The following CNTNAP2 variants were observed in gnomAD, a reference collection of about 807,000 sequenced individuals.
CNTNAP2 encodes the protein contactin associated protein 2.
In CNTNAP2, 98 loss-of-function variants were observed where a neutral mutation model predicts 155.2. That is an observed-to-expected ratio of 0.63 (90% CI 0.54 to 0.75). The LOEUF (loss-of-function observed/expected upper bound fraction) is 0.75. Ranked by LOEUF, CNTNAP2 falls within the 30% of genes least tolerant of loss-of-function variation. The probability of loss-of-function intolerance (pLI) is 0.00; values close to 1 mark genes in which losing one functional copy is unlikely to be tolerated. For missense variants in CNTNAP2, 1,727 were observed against 1,688.1 expected, an observed-to-expected ratio of 1.02 and a Z score of -0.40; for synonymous variants, 651 against 631.2, an observed-to-expected ratio of 1.03 and a Z score of -0.47.
At chr7:147,492,714 T>G (rs1425816780) in intron 11 of CNTNAP2, among the ~76,000 whole-genome samples, 1 of 152,178 alleles carries the variant, frequency 6.6e-6, no homozygotes, top group Non-Finnish European at 1.5e-5. Flanking sequence ...ATTCTCTGTT[T>G]CCTCAAACAC....
intron 1 of CNTNAP2, among the ~76,000 whole-genome samples, chr7:146,759,299 G>A (rs1353627416): frequency 6.6e-6 from 1 of 152,122 alleles, no homozygotes; most frequent in Non-Finnish European, 1.5e-5. Flanking sequence ...GAGAGGAAGT[G>A]TCAGCAGTGA....
intron 4 of CNTNAP2, among the ~76,000 whole-genome samples, chr7:147,051,811 A>T (rs1799479633): frequency 6.6e-6 from 1 of 152,132 alleles, no homozygotes; most frequent in African/African-American, 2.4e-5. Context: ...CATTTTGCTA[A>T]TTTTAAATCT....
chr7:147,681,523 T>C (rs1047685254), intron 13 of CNTNAP2, among the ~76,000 whole-genome samples: 11 of 151,938 alleles, frequency 7.2e-5, no homozygotes, highest in African/African-American at 2.2e-4. Context: ...TAGAACTCTC[T>C]AAAGCAATGA....
intron 1 of CNTNAP2, among the ~76,000 whole-genome samples, chr7:146,289,033 A>T (rs1412359334): frequency 6.7e-6 from 1 of 148,490 alleles, no homozygotes; most frequent in African/African-American, 2.6e-5. Flanking sequence ...GGAACTCCTG[A>T]CCTCAAGTGG....
At chr7:146,166,825 C>T (rs115129231) in intron 1 of CNTNAP2, among the ~76,000 whole-genome samples, 2,249 of 152,146 alleles carry the variant, frequency 0.015, 63 homozygotes, top group African/African-American at 0.051. Context: ...TAGAAGATAG[C>T]GGGAAATAAT....
At chr7:147,262,629 C>T (rs565947740) in intron 8 of CNTNAP2, among the ~76,000 whole-genome samples, 4 of 152,236 alleles carry the variant, frequency 2.6e-5, no homozygotes, top group African/African-American at 9.6e-5. Flanking sequence ...ACGGTGAAAC[C>T]CCGTCTCCAC....
intron 22 of CNTNAP2, among the ~76,000 whole-genome samples, chr7:148,405,944 G>C (rs1799694158): frequency 6.6e-6 from 1 of 151,972 alleles, no homozygotes; most frequent in Non-Finnish European, 1.5e-5. Flanking sequence ...ATTATTTAAA[G>C]AAGGTCGGCC....
At chr7:146,535,231 T>TA in intron 1 of CNTNAP2, among the ~76,000 whole-genome samples, 1 of 37,046 alleles carries the variant, frequency 2.7e-5, no homozygotes, top group Non-Finnish European at 4.0e-5. Flanking sequence ...ATCATATATA[T>TA]TATATCATAT....
intron 1 of CNTNAP2, among the ~76,000 whole-genome samples, chr7:146,465,688 A>G (rs1002776678): frequency 2.0e-5 from 3 of 152,174 alleles, no homozygotes; most frequent in East Asian, 1.9e-4. Flanking sequence ...GAGACTTTGC[A>G]TGCTGTCTTC....
intron 3 of CNTNAP2, among the ~76,000 whole-genome samples, chr7:147,029,929 C>T (rs1423513690): frequency 6.6e-6 from 1 of 152,124 alleles, no homozygotes; most frequent in African/African-American, 2.4e-5. Flanking sequence ...GCTCTTGGTT[C>T]CACATTCAGA....
intron 9 of CNTNAP2, among the ~76,000 whole-genome samples, chr7:147,361,651 TTGAG>T (rs1253927999): frequency 8.5e-5 from 13 of 152,200 alleles, no homozygotes; most frequent in Non-Finnish European, 1.5e-4. Flanking sequence ...AACTTACTTA[TTGAG>T]TAAGATAAAC....
intron 14 of CNTNAP2, among the ~76,000 whole-genome samples, chr7:147,917,772 G>T (rs1800185612): frequency 6.6e-6 from 1 of 152,188 alleles, no homozygotes; most frequent in Non-Finnish European, 1.5e-5. Flanking sequence ...AAGGGGCCCT[G>T]CTAGTCTCCT....
chr7:146,569,266 T>G (rs1044155654), intron 1 of CNTNAP2, among the ~76,000 whole-genome samples: 23 of 152,074 alleles, frequency 1.5e-4, no homozygotes, highest in South Asian at 1.2e-3. Context: ...TGATCCGCCC[T>G]CCTCGGCCTC....
chr7:146,296,573 C>A (rs1800518027), intron 1 of CNTNAP2, among the ~76,000 whole-genome samples: 2 of 152,098 alleles, frequency 1.3e-5, no homozygotes, highest in African/African-American at 2.4e-5. Flanking sequence ...TTCTAATTTT[C>A]TATCATGATG....
chr7:147,164,371 G>C (rs918524422), intron 8 of CNTNAP2, among the ~76,000 whole-genome samples: 2 of 152,180 alleles, frequency 1.3e-5, no homozygotes, highest in East Asian at 1.9e-4. Context: ...TAGGCTCTGC[G>C]CCAAGCAGGA....
At chr7:148,320,389 T>A (rs1288909644) in intron 21 of CNTNAP2, among the ~76,000 whole-genome samples, 1 of 138,306 alleles carries the variant, frequency 7.2e-6, no homozygotes, top group African/African-American at 2.7e-5. Context: ...TTTTTTTTTT[T>A]TTTTTTTTTT....
At chr7:147,654,676 G>A (rs1795497923) in intron 13 of CNTNAP2, among the ~76,000 whole-genome samples, 1 of 151,974 alleles carries the variant, frequency 6.6e-6, no homozygotes, top group African/African-American at 2.4e-5. Flanking sequence ...CTAATATGTT[G>A]ATTTCCTCCC....
chr7:147,729,438 A>G (rs112397914), intron 13 of CNTNAP2, among the ~76,000 whole-genome samples: 4 of 63,508 alleles, frequency 6.3e-5, no homozygotes, highest in African/African-American at 5.7e-4. Context: ...GCACACACAC[A>G]CACACACACA....
intron 8 of CNTNAP2, among the ~76,000 whole-genome samples, chr7:147,256,514 C>G (rs1804332011): frequency 6.6e-6 from 1 of 152,080 alleles, no homozygotes; most frequent in South Asian, 2.1e-4. Context: ...GAAAAAGCCC[C>G]TTGAGTCCAG....
Sources: allele counts gnomAD v4.1 joint callset (sites outside exome capture counted in the v4.1 genomes callset), GRCh38; gene constraint gnomAD v4.1.1; transcripts MANE v1.5; gene names NCBI Gene and HGNC (gene_info 2026-07-23, HGNC 2026-07-21).